Variants in ZFHX4 observed in about 807,000 individuals in gnomAD.
The protein encoded by ZFHX4 is zinc finger homeobox 4.
A neutral mutation model predicts 267.6 loss-of-function variants in ZFHX4; 56 were observed. The observed-to-expected ratio is 0.21, with a 90% CI of 0.17 to 0.26. ZFHX4 has a LOEUF of 0.26. Among genes scored for constraint, ZFHX4 ranks in the 10% least tolerant of loss-of-function variants. The probability of loss-of-function intolerance (pLI) is 1.00; values close to 1 mark genes in which losing one functional copy is unlikely to be tolerated. For synonymous variants in ZFHX4, 1,778 were observed against 1,665.6 expected, an observed-to-expected ratio of 1.07 and a Z score of -1.64; for missense variants, 4,332 against 4,420.0, an observed-to-expected ratio of 0.98 and a Z score of 0.56.
intron 1 of ZFHX4, among the ~76,000 whole-genome samples, chr8:76,687,328 C>T (rs1807716223): frequency 6.6e-6 from 1 of 152,154 alleles, no homozygotes; most frequent in Non-Finnish European, 1.5e-5. Flanking sequence ...CTTGTTTGTA[C>T]ATGTTTCCCT....
chr8:76,801,875 C>A (rs991787790), intron 4 of ZFHX4, among the ~76,000 whole-genome samples: 9 of 152,132 alleles, frequency 5.9e-5, no homozygotes, highest in African/African-American at 2.2e-4. Context: ...AAACCTATTT[C>A]TCAACCTATA....
At chr8:76,772,689 A>G (rs547761579) in intron 3 of ZFHX4, among the ~76,000 whole-genome samples, 1 of 152,230 alleles carries the variant, frequency 6.6e-6, no homozygotes, top group East Asian at 1.9e-4. Context: ...CCCACCTAAC[A>G]TATTTTGGTG....
At chr8:76,829,774 G>A (rs143960102) in intron 4 of ZFHX4, among the ~76,000 whole-genome samples, 3 of 152,144 alleles carry the variant, frequency 2.0e-5, no homozygotes, top group South Asian at 2.1e-4. Context: ...AGTCAAGATC[G>A]CGCCACTGCA....
intron 10 of ZFHX4, among the ~76,000 whole-genome samples, chr8:76,861,448 T>C (rs1189564302): frequency 6.6e-6 from 1 of 152,166 alleles, no homozygotes; most frequent in Admixed American, 6.5e-5. Context: ...GGGAGATTGT[T>C]TTCTAACATC....
At chr8:76,732,615 T>G (rs1809051051) in intron 3 of ZFHX4, among the ~76,000 whole-genome samples, 1 of 152,094 alleles carries the variant, frequency 6.6e-6, no homozygotes, top group Non-Finnish European at 1.5e-5. Context: ...ACAGAGAAAA[T>G]GCCTTAGTTG....
At chr8:76,844,751 A>G (rs972855674) in intron 6 of ZFHX4, among the ~76,000 whole-genome samples, 1 of 152,128 alleles carries the variant, frequency 6.6e-6, no homozygotes, top group Non-Finnish European at 1.5e-5. Flanking sequence ...GGGATAAAAA[A>G]TAAGCTCTAG....
chr8:76,838,883 C>T (rs1380359790), intron 5 of ZFHX4, among the ~76,000 whole-genome samples: 3 of 151,924 alleles, frequency 2.0e-5, no homozygotes, highest in Non-Finnish European at 2.9e-5. Context: ...GAGGAGACCT[C>T]GTCTCTACTA....
At chr8:76,814,499 A>G (rs559888552) in intron 4 of ZFHX4, among the ~76,000 whole-genome samples, 1 of 152,296 alleles carries the variant, frequency 6.6e-6, no homozygotes, top group East Asian at 1.9e-4. Flanking sequence ...AATTATTCGT[A>G]TGTACAGTTT....
At chr8:76,726,150 A>G (rs1482259817) in intron 3 of ZFHX4, among the ~76,000 whole-genome samples, 4 of 152,164 alleles carry the variant, frequency 2.6e-5, no homozygotes, top group Admixed American at 2.6e-4. Context: ...ACATTTTTAA[A>G]TAAGTTTTTT....
chr8:76,746,891 G>A (rs189029918), intron 3 of ZFHX4, among the ~76,000 whole-genome samples: 1 of 152,132 alleles, frequency 6.6e-6, no homozygotes, highest in East Asian at 1.9e-4. Flanking sequence ...CTACATGGCC[G>A]CAAACTCGAC....
At chr8:76,794,265 A>G (rs1226814385) in intron 4 of ZFHX4, among the ~76,000 whole-genome samples, 1 of 152,182 alleles carries the variant, frequency 6.6e-6, no homozygotes, top group Non-Finnish European at 1.5e-5. Flanking sequence ...AATTTTATGC[A>G]GTGATACTAA....
At position 76,855,324 on chromosome 8, in the gene ZFHX4, T is replaced by G. The variant is rs1280034772; in HGVS notation, c.8403T>G (p.Asp2801Glu). ...ATGATCAAAATAAAACCGATTTTGA[T>G]GAGACTTCATCGATTAATACGGCAA... ...AGYDQNKTDF[D>E]ETSSINTAIS... The change falls in exon 10 of 11, where the codon GAT becomes GAG. Residue 2801 changes from aspartate to glutamate, a missense_variant. Transcript: ENST00000651372. 14 of 1,613,550 alleles carry G rather than the reference T, an allele frequency of 8.7e-6. 1 individual carries two copies. Among genetic ancestry groups the G allele is most frequent in the South Asian group, 6.6e-5 (6 of 91,056 alleles).
chr8:76,807,667 G>A (rs534238780), intron 4 of ZFHX4, among the ~76,000 whole-genome samples: 1 of 152,214 alleles, frequency 6.6e-6, no homozygotes, highest in South Asian at 2.1e-4. Flanking sequence ...TTACAATCAG[G>A]CTGTTGGAGA....
At chr8:76,740,527 G>T (rs557556667) in intron 3 of ZFHX4, among the ~76,000 whole-genome samples, 41 of 152,058 alleles carry the variant, frequency 2.7e-4, no homozygotes, top group Admixed American at 7.9e-4. Flanking sequence ...ATTGGTTTGA[G>T]AAAGAGTCAA....
intron 10 of ZFHX4, among the ~76,000 whole-genome samples, chr8:76,860,569 G>A (rs1181973863): frequency 6.6e-6 from 1 of 151,936 alleles, no homozygotes; most frequent in Non-Finnish European, 1.5e-5. Context: ...CTCAGATTTA[G>A]GGGGGAAATT....
chr8:76,707,509 A>C (rs1421027188), intron 2 of ZFHX4, 37 bp from the exon 3 acceptor site: 1 of 1,458,262 alleles, frequency 6.9e-7, no homozygotes, highest in Admixed American at 2.6e-5. Context: ...TGTGTTTTCT[A>C]GTCTCTATTT....
chr8:76,752,493 A>C (rs1362435551), intron 3 of ZFHX4, among the ~76,000 whole-genome samples: 9 of 149,084 alleles, frequency 6.0e-5, no homozygotes, highest in East Asian at 2.0e-4. Flanking sequence ...AATCCAAAAA[A>C]AAAAAAAAAA....
chr8:76,837,985 T>C (rs1017167775), intron 5 of ZFHX4, among the ~76,000 whole-genome samples: 2 of 152,236 alleles, frequency 1.3e-5, no homozygotes, highest in Non-Finnish European at 2.9e-5. Context: ...TGTATGTTAT[T>C]CCATAACAAA....
intron 4 of ZFHX4, among the ~76,000 whole-genome samples, chr8:76,817,722 G>A (rs112740650): frequency 1.4e-4 from 22 of 152,130 alleles, no homozygotes; most frequent in African/African-American, 3.9e-4. Context: ...GCATATAACC[G>A]TGAAGAACTT....
Sources: allele counts gnomAD v4.1 joint callset (sites outside exome capture counted in the v4.1 genomes callset), GRCh38; gene constraint gnomAD v4.1.1; transcripts MANE v1.5; gene names NCBI Gene and HGNC (gene_info 2026-07-23, HGNC 2026-07-21).